CYP4A11: variants seen among roughly 807,000 people sequenced by gnomAD.
CYP4A11 encodes the protein cytochrome P450 family 4 subfamily A member 11, also known as cytochrome P450 4A11.
In CYP4A11, 52 loss-of-function variants were observed where a neutral mutation model predicts 57.7. That is an observed-to-expected ratio of 0.90 (90% CI 0.72 to 1.14). The LOEUF (loss-of-function observed/expected upper bound fraction) is 1.14, where lower values mean the gene tolerates loss of function less well. Among genes scored for constraint, CYP4A11 ranks in the 50% most tolerant of loss-of-function variants. The probability of loss-of-function intolerance (pLI) is 0.00; values close to 1 mark genes in which losing one functional copy is unlikely to be tolerated. For synonymous variants in CYP4A11, 228 were observed against 247.1 expected (o/e 0.92, Z 0.72); for missense variants, 641 against 642.1 (o/e 1.00, Z 0.02).
At chr1:46,933,110 A>G (rs2148454653) in intron 9 of CYP4A11, 63 bp from the exon 10 acceptor site, 1 of 1,597,456 alleles carries the variant, frequency 6.3e-7, no homozygotes, top group Non-Finnish European at 8.5e-7. Context: ...CTGGTACTTC[A>G]GCCAGCAGGC....
In CYP4A11 at chr1:46,935,060, T is replaced by C; in HGVS notation, c.730A>G (p.Ser244Gly). 1 of 1,614,152 alleles carries C rather than the reference T, an allele frequency of 6.2e-7. No homozygotes were observed. The highest frequency in any genetic ancestry group is 8.5e-7 in the Non-Finnish European group (1 of 1,180,026). Residue 244 changes from serine (S) to glycine (G), a missense_variant, in exon 6 of 12, where the codon AGC (serine) becomes GGC (glycine). By Grantham distance (56) the Ser-to-Gly change is moderately conservative. Coordinates refer to ENST00000310638, the MANE Select transcript of CYP4A11 (RefSeq NM_000778.4). ...GTCCAGCGGCCAGCAGAGGTCAGGC[T>C]GTAGATGGTGTCATTCTGGTGAAAG... ...NAFHQNDTIY[S>G]LTSAGRWTHR... is the part of the protein sequence containing the mutation.
At chr1:46,939,557 A>G (rs894580031) in intron 1 of CYP4A11, among the ~76,000 whole-genome samples, 1 of 152,232 alleles carries the variant, frequency 6.6e-6, no homozygotes, top group Admixed American at 6.5e-5. Flanking sequence ...AACATAAATC[A>G]GAGATGGTCT....
intron 3 of CYP4A11, among the ~76,000 whole-genome samples, chr1:46,937,008 TG>T (rs532306088): frequency 1.4e-4 from 21 of 152,188 alleles, no homozygotes; most frequent in Admixed American, 3.3e-4. Flanking sequence ...TACATGCATG[TG>T]ATTATGACAG....
At chr1:46,940,650 G>A (rs1434636450) in intron 1 of CYP4A11, 1 of 985,136 alleles carries the variant, frequency 1.0e-6, no homozygotes, top group African/African-American at 1.7e-5. Context: ...ATCACCTGTT[G>A]TGGAAATTCC....
intron 1 of CYP4A11, among the ~76,000 whole-genome samples, chr1:46,938,451 T>C (rs1681553727): frequency 6.6e-6 from 1 of 152,234 alleles, no homozygotes; most frequent in Admixed American, 6.5e-5. Context: ...AGTTGATAAG[T>C]AGATTTGTAA....
In CYP4A11 at chr1:46,937,353, G is replaced by A. The variant is rs377366561; in HGVS notation, c.338-7C>T. The A allele has an allele frequency of 1.0e-4, 161 of 1,613,842 alleles. 1 individual carries two copies. The highest frequency in any genetic ancestry group is 1.1e-4 in the Non-Finnish European group (130 of 1,179,898). On this transcript the variant is annotated splice_polypyrimidine_tract_variant and splice_region_variant and intron_variant, in intron 2 of 11. Coordinates refer to ENST00000310638, the MANE Select transcript of CYP4A11 (RefSeq NM_000778.4). ...GAACCATGGGATTTCGGGTCTGAAA[G>A]GCAAGAAAGGGCTTTATAGGAAACT...
Position 46,931,726 on chromosome 1 carries a change from T to C in CYP4A11, c.1364+1035A>G, listed in dbSNP as rs775630511. 8.6e-5 allele frequency: 57 copies of C among 659,174 alleles called. No homozygotes were observed. The Middle Eastern group carries it at 3.1e-3, about 36-fold the overall frequency. 40.8% of individuals were successfully genotyped at this position (659,174 alleles called of 1,614,324 possible). ...TGGAGAAGGAGTTTCAGGAGGAAGC[T>C]TTTTCTTAAAGCCTGTTCTGTGTAA... On this transcript the variant is annotated intron_variant, in intron 11 of 11. Coordinates refer to ENST00000310638, the MANE Select transcript of CYP4A11 (RefSeq NM_000778.4).
At chr1:46,930,964 T>C (rs2148450552) in intron 11 of CYP4A11, among the ~76,000 whole-genome samples, 1 of 152,298 alleles carries the variant, frequency 6.6e-6, no homozygotes, top group Non-Finnish European at 1.5e-5. Context: ...TTCCTTGCCC[T>C]TCCTCAGTAT....
intron 9 of CYP4A11, 172 bp downstream of exon 9, chr1:46,933,774 G>C (rs1276541876): frequency 3.6e-5 from 42 of 1,178,044 alleles, no homozygotes; most frequent in African/African-American, 6.2e-5. Flanking sequence ...GTGGGTTCAA[G>C]CTCTCAGCCA....
chr1:46,935,471 G>A (rs1372594191), intron 5 of CYP4A11, 52 bp downstream of exon 5: 5 of 1,554,764 alleles, frequency 3.2e-6, no homozygotes, highest in Non-Finnish European at 3.5e-6. Flanking sequence ...TCAGGTATGT[G>A]CACTCCACTT....
intron 11 of CYP4A11, among the ~76,000 whole-genome samples, chr1:46,930,870 C>T (rs1453236412): frequency 1.3e-5 from 2 of 152,128 alleles, no homozygotes; most frequent in Admixed American, 6.5e-5. Flanking sequence ...ACCTGCCTCC[C>T]ACCCCAGGGT....
rs1202500101 is a variant in CYP4A11, at chr1:46,935,068, G to T, written c.722C>A (p.Thr241Asn). 5.0e-6 allele frequency: 8 copies of T among 1,614,194 alleles called. No homozygotes were observed. Among genetic ancestry groups the T allele is most frequent in the Non-Finnish European group, 6.8e-6 (8 of 1,180,036 alleles). Residue 241 changes from threonine (T) to asparagine (N), a missense_variant, in exon 6 of 12, where the codon ACC becomes AAC. Transcript: ENST00000310638. ...GCCAGCAGAGGTCAGGCTGTAGATG[G>T]TGTCATTCTGGTGAAAGGCATTCCT... Reference protein sequence around the residue: ...RVRNAFHQNDTIYSLTSAGRW... With the variant: ...RVRNAFHQNDNIYSLTSAGRW...
Position 46,934,452 on chromosome 1 carries a change from C to T in CYP4A11, c.897+1G>A. ...CTCAGGCCTCTCCTACACATACTCACTTTGGCCAAGAGGAGGATATCCAGA... is the reference window on the plus strand; with the variant it reads ...CTCAGGCCTCTCCTACACATACTCATTTTGGCCAAGAGGAGGATATCCAGA... On this transcript the variant is annotated splice_donor_variant, in intron 7 of 11. Coordinates refer to ENST00000310638, the MANE Select transcript of CYP4A11 (RefSeq NM_000778.4). LOFTEE classifies it high-confidence loss of function. 1.2e-6 allele frequency: 2 copies of T among 1,613,612 alleles called. No homozygotes were observed. The highest frequency in any genetic ancestry group is 1.7e-6 in the Non-Finnish European group (2 of 1,179,740).
At position 46,935,761 on chromosome 1, in the gene CYP4A11, T is replaced by A. The variant is rs1272242243; in HGVS notation, c.511-114A>T. 3.6e-5 allele frequency: 55 copies of A among 1,523,642 alleles called. 1 individual carries two copies. 94.4% of individuals were successfully genotyped at this position (1,523,642 alleles called of 1,614,324 possible). ...TGTTTTTTCCTGTAGCATGCAGATATCTTGGTTGGGATTCCTCACTTTACA... is the reference window on the plus strand; with the variant it reads ...TGTTTTTTCCTGTAGCATGCAGATAACTTGGTTGGGATTCCTCACTTTACA... On this transcript the variant is annotated intron_variant, in intron 4 of 11. Coordinates refer to ENST00000310638, the MANE Select transcript of CYP4A11 (RefSeq NM_000778.4).
chr1:46,934,759 C>T (rs1681271431), intron 6 of CYP4A11, among the ~76,000 whole-genome samples, 200 bp from the exon 7 acceptor site: 1 of 152,164 alleles, frequency 6.6e-6, no homozygotes, highest in African/African-American at 2.4e-5. Flanking sequence ...ATGGAGGCTC[C>T]TCTTGAATGC....
At chr1:46,938,158 A>C in intron 1 of CYP4A11, 21 bp from the exon 2 acceptor site, 2 of 1,614,058 alleles carry the variant, frequency 1.2e-6, no homozygotes, top group Non-Finnish European at 1.7e-6. Flanking sequence ...GGGTAGACAG[A>C]TGAACACTTT....
rs1264419709 is a variant in CYP4A11 at position 46,936,797 on chromosome 1, A to G, written c.383-6T>C. Reference sequence around the variant, plus strand: ...CAACAGGAGCAAGCCGTACCCTAAGAGAGACATGAATGTGTGTTTGTGTGT... The same window carrying G: ...CAACAGGAGCAAGCCGTACCCTAAGGGAGACATGAATGTGTGTTTGTGTGT... On this transcript the variant is annotated splice_region_variant and splice_polypyrimidine_tract_variant and intron_variant, in intron 3 of 11. Transcript: ENST00000310638. The G allele has an allele frequency of 2.5e-6, 4 of 1,587,790 alleles. No individual in the cohort carries two copies. The East Asian group carries it at 6.8e-5, about 27-fold the overall frequency.
At chr1:46,938,251 G>C (rs1681541430) in intron 1 of CYP4A11, 114 bp from the exon 2 acceptor site, 3 of 1,426,208 alleles carry the variant, frequency 2.1e-6, no homozygotes, top group Admixed American at 1.9e-5. Flanking sequence ...ATTTAGATCT[G>C]TTTCTGATGA....
At chr1:46,935,956 A>T in intron 4 of CYP4A11, among the ~76,000 whole-genome samples, 1 of 152,304 alleles carries the variant, frequency 6.6e-6, no homozygotes, top group Non-Finnish European at 1.5e-5. Context: ...TTGTATTGCT[A>T]TTGTTGTTCT....
Sources: allele counts gnomAD v4.1 joint callset (sites outside exome capture counted in the v4.1 genomes callset), GRCh38; gene constraint gnomAD v4.1.1; transcripts MANE v1.5; gene names NCBI Gene and HGNC (gene_info 2026-07-23, HGNC 2026-07-21).